The following RIPOR2 variants were observed in gnomAD, a reference collection of about 807,000 sequenced individuals.
The protein encoded by RIPOR2 is rho family-interacting cell polarization regulator 2.
In RIPOR2, 39 loss-of-function variants were observed where a neutral mutation model predicts 114.5. The ratio of observed to expected loss-of-function variants is 0.34; its 90% CI spans 0.26 to 0.44. The LOEUF is 0.44. Among genes scored for constraint, RIPOR2 ranks in the 20% least tolerant of loss-of-function variants. The probability of loss-of-function intolerance (pLI) is 1.00; values close to 1 mark genes in which losing one functional copy is unlikely to be tolerated. For missense variants in RIPOR2, 1,007 were observed against 1,255.1 expected (o/e 0.80, Z 2.99); for synonymous variants, 445 against 484.4 (o/e 0.92, Z 1.07).
intron 1 of RIPOR2, among the ~76,000 whole-genome samples, chr6:24,949,620 G>A (rs1304193442): frequency 5.9e-5 from 9 of 152,190 alleles, no homozygotes; most frequent in Non-Finnish European, 1.0e-4. Flanking sequence ...TTTTCCAGTG[G>A]GGACTTGGCA....
At chr6:24,818,499 C>A in intron 20 of RIPOR2, 43 bp downstream of exon 20, 1 of 1,302,512 alleles carries the variant, frequency 7.7e-7, no homozygotes, top group South Asian at 1.3e-5. Context: ...CTTAGCCTGG[C>A]TCCAAGCTGA....
intron 1 of RIPOR2, among the ~76,000 whole-genome samples, chr6:24,882,637 T>C (rs112449429): frequency 2.0e-5 from 3 of 151,958 alleles, no homozygotes; most frequent in African/African-American, 7.2e-5. Context: ...AACCATACCG[T>C]TTGTATCATC....
intron 1 of RIPOR2, among the ~76,000 whole-genome samples, chr6:25,021,161 T>A (rs1415275234): frequency 1.3e-5 from 2 of 152,286 alleles, no homozygotes; most frequent in East Asian, 1.9e-4. Flanking sequence ...ATCCAGCTAG[T>A]TTAATCTTTA....
intron 1 of RIPOR2, among the ~76,000 whole-genome samples, chr6:25,006,483 G>T (rs12111569): frequency 1.3e-5 from 2 of 151,984 alleles, no homozygotes; most frequent in Non-Finnish European, 2.9e-5. Flanking sequence ...AATCTCTCTT[G>T]CCACCTCACC....
intron 1 of RIPOR2, among the ~76,000 whole-genome samples, chr6:24,920,168 AG>A (rs1457240505): frequency 6.6e-6 from 1 of 152,202 alleles, no homozygotes; most frequent in Non-Finnish European, 1.5e-5. Context: ...GGAGGGAAAA[AG>A]GGAGGGAGCT....
intron 1 of RIPOR2, among the ~76,000 whole-genome samples, chr6:24,943,548 C>T (rs1039273871): frequency 9.2e-5 from 14 of 152,068 alleles, no homozygotes; most frequent in African/African-American, 3.1e-4. Flanking sequence ...GGAAAATGGC[C>T]AGTATCGACT....
intron 7 of RIPOR2, among the ~76,000 whole-genome samples, chr6:24,862,343 G>A (rs951036176): frequency 3.9e-5 from 6 of 152,206 alleles, no homozygotes; most frequent in African/African-American, 1.2e-4. Flanking sequence ...CTAGGGGTTC[G>A]AGGGTGGCCT....
chr6:24,855,975 C>T (rs1459320349), intron 8 of RIPOR2, among the ~76,000 whole-genome samples: 2 of 152,054 alleles, frequency 1.3e-5, no homozygotes, highest in Admixed American at 6.5e-5. Flanking sequence ...TTCAGGCGGC[C>T]GTGAGCCACT....
At position 24,806,097 on chromosome 6, in the gene RIPOR2, A is replaced by G. The variant is rs923920846; in HGVS notation, c.*276T>C. The G allele has an allele frequency of 2.7e-6, 1 of 367,624 alleles. No homozygotes were observed. Among genetic ancestry groups the G allele is most frequent in the Non-Finnish European group, 4.9e-6 (1 of 204,404 alleles). 22.8% of individuals were successfully genotyped at this position (367,624 alleles called of 1,614,324 possible). A position where few individuals can be genotyped will look rare whatever the true frequency, so the allele number is the denominator to read the frequency against. ...CCCAAGTAGCTGGGACTACAGGTGC[A>G]TGCCACCACGCCTGACTAATTAAAC... On this transcript the variant is annotated 3_prime_UTR_variant, in exon 22 of 22. Transcript: ENST00000643898.
At chr6:24,890,608 T>C (rs1767257237) in intron 1 of RIPOR2, among the ~76,000 whole-genome samples, 1 of 152,052 alleles carries the variant, frequency 6.6e-6, no homozygotes, top group Admixed American at 6.6e-5. Context: ...ATGCAAACTA[T>C]GCATGTAACA....
intron 1 of RIPOR2, chr6:24,976,675 G>T (rs1774065706): frequency 6.2e-7 from 1 of 1,607,748 alleles, no homozygotes; most frequent in Non-Finnish European, 8.5e-7. Flanking sequence ...TATGTGTCAG[G>T]GTGGTGACTT....
intron 7 of RIPOR2, among the ~76,000 whole-genome samples, chr6:24,862,571 C>A (rs1764171736): frequency 6.6e-6 from 1 of 152,172 alleles, no homozygotes; most frequent in Non-Finnish European, 1.5e-5. Flanking sequence ...GGAAAACTTC[C>A]TGAAGTCTGA....
chr6:24,823,883 A>G (rs901785005), intron 19 of RIPOR2, among the ~76,000 whole-genome samples: 3 of 151,934 alleles, frequency 2.0e-5, no homozygotes, highest in Admixed American at 1.3e-4. Flanking sequence ...CAGCCTCCTG[A>G]GTAGCTGGGA....
chr6:25,034,191 A>T (rs1777130827), intron 1 of RIPOR2, among the ~76,000 whole-genome samples: 1 of 151,326 alleles, frequency 6.6e-6, no homozygotes, highest in Non-Finnish European at 1.5e-5. Context: ...TCTCTGTTGT[A>T]TGTTTCTGTA....
chr6:24,811,657 C>CTTTTTTTTTTTTTTTTTTTT (rs1222503239), intron 20 of RIPOR2, among the ~76,000 whole-genome samples: 7 of 21,732 alleles, frequency 3.2e-4, no homozygotes, highest in African/African-American at 5.9e-4. Flanking sequence ...TCGTTTAGTA[C>CTTTTTTTTTTTTTTTTTTTT]TTTTTTTTTT....
upstream of RIPOR2, among the ~76,000 whole-genome samples, chr6:24,939,784 A>G (rs1040733088): frequency 2.6e-5 from 4 of 152,232 alleles, no homozygotes; most frequent in South Asian, 4.1e-4. Flanking sequence ...GATTTGGGGA[A>G]GAGAACAAAA....
At chr6:24,818,437 C>A in intron 20 of RIPOR2, 105 bp downstream of exon 20, 1 of 558,130 alleles carries the variant, frequency 1.8e-6, no homozygotes, top group South Asian at 3.7e-5. Flanking sequence ...ACAAGAAATA[C>A]TGCTAAAAAA....
intron 1 of RIPOR2, among the ~76,000 whole-genome samples, chr6:25,017,603 T>A (rs1776078232): frequency 6.6e-6 from 1 of 152,242 alleles, no homozygotes; most frequent in Admixed American, 6.5e-5. Flanking sequence ...CTATCACCCC[T>A]ATTCAGTGCC....
intron 14 of RIPOR2, among the ~76,000 whole-genome samples, chr6:24,837,435 A>G (rs1761220043): frequency 6.6e-6 from 1 of 151,162 alleles, no homozygotes; most frequent in Non-Finnish European, 1.5e-5. Flanking sequence ...TATTTATTTG[A>G]GAGAAGGTCT....
Sources: gnomAD v4.1 joint callset for allele counts (sites outside exome capture counted in the v4.1 genomes callset) on GRCh38, gnomAD v4.1.1 for gene constraint, MANE v1.5 for transcripts, NCBI Gene and HGNC (gene_info 2026-07-23, HGNC 2026-07-21) for gene names.